The following RBFOX1 variants were observed in gnomAD, a reference collection of about 807,000 sequenced individuals.
RBFOX1 encodes the protein RNA binding protein fox-1 homolog 1.
Under a neutral mutation model 57.7 loss-of-function variants are expected in RBFOX1, and 8 were observed. The ratio of observed to expected loss-of-function variants is 0.14; its 90% CI spans 0.08 to 0.25. RBFOX1 has a LOEUF of 0.25. Ranked by LOEUF, RBFOX1 falls within the 10% of genes least tolerant of loss-of-function variation. RBFOX1 has a pLI of 1.00. For missense variants in RBFOX1, 611 were observed against 548.5 expected (o/e 1.11, Z -1.14); for synonymous variants, 326 against 222.4 (o/e 1.47, Z -4.15).
At chr16:7,477,761 TTTCCCTTCTC>T (rs2063044029) in intron 4 of RBFOX1, among the ~76,000 whole-genome samples, 1 of 152,142 alleles carries the variant, frequency 6.6e-6, no homozygotes, top group Non-Finnish European at 1.5e-5. Context: ...AAATATGACC[TTTCCCTTCTC>T]TTCCCATAAC....
In RBFOX1 at chr16:7,071,630, C is replaced by T. The variant is rs531874907; in HGVS notation, c.27+19532C>T. Among the ~76,000 whole-genome samples the T allele has an allele frequency of 8.8e-4, 133 of 150,868 alleles. 1 individual carries two copies. The highest frequency in any genetic ancestry group is 3.1e-3 in the African/African-American group (127 of 40,864). Reference sequence around the variant, plus strand: ...GTGTGTGTGTGTGTTTGTCTGTATACATAACCTGGGTAATTTATACATACA... The same window carrying T: ...GTGTGTGTGTGTGTTTGTCTGTATATATAACCTGGGTAATTTATACATACA... On this transcript the variant is annotated intron_variant, in intron 4 of 15. Transcript: ENST00000550418.
chr16:5,637,381 C>T (rs1288550398), intron 3 of RBFOX1, among the ~76,000 whole-genome samples: 2 of 152,108 alleles, frequency 1.3e-5, no homozygotes, highest in African/African-American at 4.8e-5. Context: ...CCAGGGGGCT[C>T]ATTTCTGCTC....
At chr16:5,932,673 T>C (rs11640096) in intron 4 of RBFOX1, among the ~76,000 whole-genome samples, 128 of 152,340 alleles carry the variant, frequency 8.4e-4, no homozygotes, top group Middle Eastern at 3.4e-3. Context: ...GTCAGTTTCA[T>C]CAATGTCATG....
intron 2 of RBFOX1, among the ~76,000 whole-genome samples, chr16:6,579,195 T>C (rs77371611): frequency 6.6e-6 from 1 of 152,178 alleles, no homozygotes; most frequent in Non-Finnish European, 1.5e-5. Context: ...TTTTGTTTTC[T>C]TTTTTGTTAT....
chr16:7,568,729 C>CA (rs1162699127), intron 5 of RBFOX1, among the ~76,000 whole-genome samples: 4 of 151,046 alleles, frequency 2.6e-5, no homozygotes, highest in African/African-American at 4.9e-5. Flanking sequence ...ACTAAAAATA[C>CA]AAAAAAAATT....
intron 1 of RBFOX1, among the ~76,000 whole-genome samples, chr16:6,190,602 A>AT (rs1214633679): frequency 6.6e-6 from 1 of 152,216 alleles, no homozygotes; most frequent in Non-Finnish European, 1.5e-5. Flanking sequence ...AGCACTTGAT[A>AT]TATCGTCGAT....
intron 3 of RBFOX1, among the ~76,000 whole-genome samples, chr16:6,783,561 C>T (rs950793267): frequency 6.6e-6 from 1 of 151,992 alleles, no homozygotes; most frequent in Non-Finnish European, 1.5e-5. Context: ...CCATCTCCTG[C>T]AGTCTGACTT....
chr16:5,665,132 G>GGA lies in RBFOX1; in HGVS notation c.318+66172_318+66173insAG, dbSNP rs1555497002. ...GGCTAACTTTTTGATATTTTTACAT[G>GGA]GGGGGGGGCGGTCTTGCTATATTGC... On this transcript the variant is annotated intron_variant, in intron 3 of 19. Coordinates refer to the RBFOX1 transcript ENST00000641259. 2.3e-4 allele frequency among the ~76,000 whole-genome samples: 18 copies of GGA among 78,266 alleles called. 1 individual carries two copies. The South Asian group carries it at 5.1e-3, about 22-fold the overall frequency. The allele number at this position is 78,266 out of a possible 152,430, so 51.3% of individuals were successfully genotyped here. A position where few individuals can be genotyped will look rare whatever the true frequency, so the allele number is the denominator to read the frequency against.
At chr16:6,472,566 T>G (rs1384163020) in intron 2 of RBFOX1, among the ~76,000 whole-genome samples, 1 of 152,130 alleles carries the variant, frequency 6.6e-6, no homozygotes, top group Non-Finnish European at 1.5e-5. Context: ...TCATCATCTC[T>G]CTGATGACAT....
At chr16:7,534,253 AT>A (rs111895929) in intron 5 of RBFOX1, among the ~76,000 whole-genome samples, 58 of 145,554 alleles carry the variant, frequency 4.0e-4, no homozygotes, top group African/African-American at 8.8e-4. Flanking sequence ...CACCCAGTTA[AT>A]TTTTTTTTTT....
intron 2 of RBFOX1, among the ~76,000 whole-genome samples, chr16:6,545,296 C>T (rs941322216): frequency 2.0e-5 from 3 of 152,158 alleles, no homozygotes; most frequent in African/African-American, 4.8e-5. Flanking sequence ...TCTTTTCCCC[C>T]TCCTGGCCTT....
chr16:5,776,464 G>A (rs2054153452), intron 3 of RBFOX1, among the ~76,000 whole-genome samples: 1 of 152,176 alleles, frequency 6.6e-6, no homozygotes, highest in African/African-American at 2.4e-5. Flanking sequence ...GAGCCTTCTG[G>A]AACTGGGCTG....
intron 4 of RBFOX1, among the ~76,000 whole-genome samples, chr16:5,983,932 C>G (rs936887866): frequency 1.4e-5 from 2 of 144,850 alleles, no homozygotes; most frequent in Admixed American, 1.4e-4. Flanking sequence ...CCTCCCCCTC[C>G]TCCTCCTCCT....
At chr16:5,251,417 G>C (rs2062449408) in intron 1 of RBFOX1, among the ~76,000 whole-genome samples, 1 of 152,224 alleles carries the variant, frequency 6.6e-6, no homozygotes, top group East Asian at 1.9e-4. Flanking sequence ...ATACGTGGTT[G>C]ACTGTCATTG....
rs72766958 is a variant in RBFOX1, at chr16:5,779,136, T to C, written c.319-88167T>C. 8.4e-3 allele frequency among the ~76,000 whole-genome samples: 1,272 copies of C among 152,250 alleles called. 14 individuals carry two copies. The highest frequency in any genetic ancestry group is 0.045 in the South Asian group (218 of 4,822). ...TTTTGATGACAAGTTTAGGGTGAAT[T>C]TGAAAATAAATTGCATACCCACTTT... On this transcript the variant is annotated intron_variant, in intron 3 of 19. Transcript: ENST00000641259.
intron 1 of RBFOX1, among the ~76,000 whole-genome samples, chr16:5,291,984 A>C (rs2063546955): frequency 1.3e-5 from 2 of 149,530 alleles, no homozygotes; most frequent in Admixed American, 1.3e-4. Flanking sequence ...TTCAAAGGCC[A>C]TTTGCAGTTA....
chr16:7,113,066 G>C (rs993537495), intron 4 of RBFOX1, among the ~76,000 whole-genome samples: 2 of 152,128 alleles, frequency 1.3e-5, no homozygotes, highest in African/African-American at 4.8e-5. Flanking sequence ...GGACAGAATG[G>C]AAAATTAATT....
chr16:5,679,917 G>C (rs780472589), intron 3 of RBFOX1, among the ~76,000 whole-genome samples: 1 of 152,156 alleles, frequency 6.6e-6, no homozygotes, highest in Admixed American at 6.5e-5. Flanking sequence ...TGTTTAGTCT[G>C]TGTTCTATTC....
intron 4 of RBFOX1, among the ~76,000 whole-genome samples, chr16:7,499,547 A>C (rs1405125123): frequency 6.6e-6 from 1 of 152,172 alleles, no homozygotes; most frequent in African/African-American, 2.4e-5. Context: ...ATAAAAATTG[A>C]GTATAAAGAT....
Sources: gnomAD v4.1 joint callset for allele counts (sites outside exome capture counted in the v4.1 genomes callset) on GRCh38, gnomAD v4.1.1 for gene constraint, MANE v1.5 for transcripts, NCBI Gene and HGNC (gene_info 2026-07-23, HGNC 2026-07-21) for gene names.